BEND4: variants seen among roughly 807,000 people sequenced by gnomAD.
BEND4 encodes the protein BEN domain-containing protein 4.
BEND4 carries 27 observed loss-of-function variants against 54.7 expected under a neutral mutation model. That is an observed-to-expected ratio of 0.49 (90% CI 0.36 to 0.68). The LOEUF (loss-of-function observed/expected upper bound fraction) is 0.68, where lower values mean the gene tolerates loss of function less well. BEND4 is among the 30% of genes least tolerant of loss of function. BEND4 has a pLI of 0.00. For missense variants in BEND4, 702 were observed against 697.2 expected (o/e 1.01, Z -0.08); for synonymous variants, 327 against 299.5 (o/e 1.09, Z -0.95).
chr4:42,125,539 A>G, intron 4 of BEND4, 44 bp downstream of exon 4: 3 of 1,434,170 alleles, frequency 2.1e-6, no homozygotes, highest in Non-Finnish European at 3.0e-6. Flanking sequence ...AAGATACTTA[A>G]GAGAATTCCA....
intron 3 of BEND4, 130 bp from the exon 4 acceptor site, chr4:42,125,804 T>G: frequency 1.7e-6 from 1 of 589,518 alleles, no homozygotes; most frequent in Non-Finnish European, 2.9e-6. Context: ...AGTGTGGTGA[T>G]CTCAGCTCAC....
chr4:42,121,902 G>A (rs531952313), intron 4 of BEND4, among the ~76,000 whole-genome samples: 1 of 152,296 alleles, frequency 6.6e-6, no homozygotes, highest in South Asian at 2.1e-4. Context: ...ATGAGGAACA[G>A]AGGCTACGGC....
At position 42,152,072 on chromosome 4, in the gene BEND4, G is replaced by A; in HGVS notation, c.72C>T (p.Tyr24=). The part of the protein sequence containing the change: ...VPKIYKQRSP[Y]SVLKTFPSKR... Reference sequence around the variant, plus strand: ...TGCTGGGGAACGTCTTGAGGACGCTGTAGGGGCTGCGCTGCTTGTAGATTT... The same window carrying A: ...TGCTGGGGAACGTCTTGAGGACGCTATAGGGGCTGCGCTGCTTGTAGATTT... Residue 24 remains tyrosine (Y), a synonymous_variant, in exon 2 of 6, where the codon TAC becomes TAT. Coordinates refer to ENST00000502486, the MANE Select transcript of BEND4 (RefSeq NM_207406.4). 1 of 1,253,146 alleles carries A rather than the reference G, an allele frequency of 8.0e-7. No homozygotes were observed. Among genetic ancestry groups the A allele is most frequent in the Non-Finnish European group, 1.0e-6 (1 of 991,388 alleles). 77.6% of individuals were successfully genotyped at this position (1,253,146 alleles called of 1,614,324 possible). A position where few individuals can be genotyped will look rare whatever the true frequency, so the allele number is the denominator to read the frequency against.
intron 4 of BEND4, 62 bp from the exon 5 acceptor site, chr4:42,120,356 CTCCAT>C: frequency 6.4e-7 from 1 of 1,557,790 alleles, no homozygotes; most frequent in East Asian, 2.3e-5. Flanking sequence ...CAGAAGTGAT[CTCCAT>C]TTCAAAGGCA....
rs576590211 is a variant in BEND4 at position 42,129,125 on chromosome 4, C to G, written c.1055-3451G>C. On this transcript the variant is annotated intron_variant, in intron 3 of 5. Coordinates refer to ENST00000502486, the MANE Select transcript of BEND4 (RefSeq NM_207406.4). ...ATGTGCAAAAATCAAACAAGCATTC[C>G]TATACACCAATAACAGACAGCCAAA... Among the ~76,000 whole-genome samples the G allele has an allele frequency of 1.7e-4, 26 of 152,154 alleles. 1 individual carries two copies. The South Asian group carries it at 5.0e-3, about 29-fold the overall frequency.
chr4:42,126,246 T>C (rs888149182), intron 3 of BEND4, among the ~76,000 whole-genome samples: 4 of 152,216 alleles, frequency 2.6e-5, no homozygotes, highest in Non-Finnish European at 5.9e-5. Context: ...TCAACAATCA[T>C]GATCACAAAG....
chr4:42,136,797 A>G lies in BEND4; in HGVS notation c.1054+6631T>C, dbSNP rs577401476. On this transcript the variant is annotated intron_variant, in intron 3 of 5. Coordinates refer to ENST00000502486, the MANE Select transcript of BEND4 (RefSeq NM_207406.4). ...GATGTGCCTTACAGAGAAAACAAGC[A>G]TGTTAGATACGCCTCATTCGGGCAT... 1.4e-4 allele frequency among the ~76,000 whole-genome samples: 22 copies of G among 152,366 alleles called. 1 individual carries two copies. Among genetic ancestry groups the G allele is most frequent in the African/African-American group, 5.0e-4 (21 of 41,588 alleles).
chr4:42,114,294 T>C lies in BEND4; in HGVS notation c.*3224A>G, dbSNP rs546943836. 1 of 152,402 alleles carries C rather than the reference T, an allele frequency of 6.6e-6. No homozygotes were observed. The highest frequency in any genetic ancestry group is 1.5e-5 in the Non-Finnish European group (1 of 68,080). The allele number at this position is 152,402 out of a possible 1,614,324, so 9.4% of individuals were successfully genotyped here. On this transcript the variant is annotated 3_prime_UTR_variant, in exon 6 of 6. Coordinates refer to ENST00000502486, the MANE Select transcript of BEND4 (RefSeq NM_207406.4). ...TTCAACTCACTGCGAAAAGCCGGCATGATCTTTGTAACAAGATTTTAATTT... is the reference window on the plus strand; with the variant it reads ...TTCAACTCACTGCGAAAAGCCGGCACGATCTTTGTAACAAGATTTTAATTT...
At chr4:42,125,275 G>A (rs1457066540) in intron 4 of BEND4, among the ~76,000 whole-genome samples, 1 of 152,224 alleles carries the variant, frequency 6.6e-6, no homozygotes, top group Non-Finnish European at 1.5e-5. Flanking sequence ...GGCTCTGTCT[G>A]AGGGAATGAC....
In BEND4 at chr4:42,114,917, C is replaced by A. The variant is rs183102034; in HGVS notation, c.*2601G>T. On this transcript the variant is annotated 3_prime_UTR_variant, in exon 6 of 6. Coordinates refer to ENST00000502486, the MANE Select transcript of BEND4 (RefSeq NM_207406.4). ...TGATGCTGTATCACGGCCTCAGTGGCGGCTAGTGCCTGCGTCAGACGCTAG... is the reference window on the plus strand; with the variant it reads ...TGATGCTGTATCACGGCCTCAGTGGAGGCTAGTGCCTGCGTCAGACGCTAG... 1 of 152,346 alleles carries A rather than the reference C, an allele frequency of 6.6e-6. No homozygotes were observed. Among genetic ancestry groups the A allele is most frequent in the Non-Finnish European group, 1.5e-5 (1 of 68,164 alleles). 9.4% of individuals were successfully genotyped at this position (152,346 alleles called of 1,614,324 possible). A position where few individuals can be genotyped will look rare whatever the true frequency, so the allele number is the denominator to read the frequency against.
chr4:42,135,823 T>A (rs748757669), intron 3 of BEND4, among the ~76,000 whole-genome samples: 1 of 152,136 alleles, frequency 6.6e-6, no homozygotes, highest in African/African-American at 2.4e-5. Flanking sequence ...TAGAGTATTA[T>A]TAACCTCACT....
rs1719681413 is a variant in BEND4 at position 42,113,816 on chromosome 4, C to T, written c.*3702G>A. The T allele has an allele frequency of 6.6e-6, 1 of 152,198 alleles. No individual in the cohort carries two copies. The highest frequency in any genetic ancestry group is 2.4e-5 in the African/African-American group (1 of 41,442). 9.4% of individuals were successfully genotyped at this position (152,198 alleles called of 1,614,324 possible). On this transcript the variant is annotated 3_prime_UTR_variant, in exon 6 of 6. Transcript: ENST00000502486. ...CACTAACTCTACAGCCGTGAAGTAG[C>T]TACAAATATGTCTCGAATCCCCTAC...
chr4:42,137,719 A>G (rs1042835258), intron 3 of BEND4, among the ~76,000 whole-genome samples: 7 of 152,224 alleles, frequency 4.6e-5, no homozygotes, highest in South Asian at 2.1e-4. Flanking sequence ...TTTGCAAACC[A>G]TGGGGTTAAT....
At chr4:42,145,998 G>C (rs1721069078) in intron 2 of BEND4, among the ~76,000 whole-genome samples, 1 of 152,182 alleles carries the variant, frequency 6.6e-6, no homozygotes, top group South Asian at 2.1e-4. Context: ...ACCCTAGGCT[G>C]GTTGAGAGTC....
rs371641332 is a variant in BEND4 at position 42,113,637 on chromosome 4, T to A, written c.*3881A>T. 6.6e-6 allele frequency: 1 copy of A among 152,128 alleles called. No homozygotes were observed. The highest frequency in any genetic ancestry group is 2.4e-5 in the African/African-American group (1 of 41,402). The allele number at this position is 152,128 out of a possible 1,614,324, so 9.4% of individuals were successfully genotyped here. The stretch of plus-strand genomic sequence containing the variant: ...GGACTTAAAAAAAATCCTATCAACA[T>A]CAGTTACCACTAGTTGATGGGACAT... On this transcript the variant is annotated 3_prime_UTR_variant, in exon 6 of 6. Coordinates refer to ENST00000502486, the MANE Select transcript of BEND4 (RefSeq NM_207406.4).
Position 42,129,462 on chromosome 4 carries a change from T to C in BEND4, c.1055-3788A>G, listed in dbSNP as rs768883596. Among the ~76,000 whole-genome samples the C allele has an allele frequency of 3.3e-5, 5 of 152,234 alleles. No homozygotes were observed. In the Middle Eastern group the frequency reaches 0.01, roughly 311 times the overall value. On this transcript the variant is annotated intron_variant, in intron 3 of 5. Coordinates refer to ENST00000502486, the MANE Select transcript of BEND4 (RefSeq NM_207406.4). ...TATGGAACAAAAAAAAGAGCCCATA[T>C]AGCCATGACAATCTAAGCAAAAAGA...
chr4:42,146,466 T>C (rs1388665911), intron 2 of BEND4, among the ~76,000 whole-genome samples: 1 of 152,260 alleles, frequency 6.6e-6, no homozygotes, highest in Non-Finnish European at 1.5e-5. Context: ...GCACTATTTG[T>C]ACTCTTATCC....
At position 42,112,284 on chromosome 4, in the gene BEND4, A is replaced by C. The variant is rs1014375653; in HGVS notation, c.*5234T>G. 1.3e-5 allele frequency: 2 copies of C among 152,232 alleles called. No homozygotes were observed. Among genetic ancestry groups the C allele is most frequent in the African/African-American group, 4.8e-5 (2 of 41,458 alleles). The allele number at this position is 152,232 out of a possible 1,614,324, so 9.4% of individuals were successfully genotyped here. A position where few individuals can be genotyped will look rare whatever the true frequency, so the allele number is the denominator to read the frequency against. ...GCCTCATAGGGTAGCTGTGAGGATT[A>C]AAATGAGAATGCATTAAAGTACTTA... On this transcript the variant is annotated 3_prime_UTR_variant, in exon 6 of 6. Coordinates refer to ENST00000502486, the MANE Select transcript of BEND4 (RefSeq NM_207406.4).
chr4:42,123,675 A>G (rs1321092732), intron 4 of BEND4, among the ~76,000 whole-genome samples: 2 of 136,284 alleles, frequency 1.5e-5, no homozygotes, highest in Non-Finnish European at 3.1e-5. Flanking sequence ...GCATATATTT[A>G]CTTTGGATCT....
Sources: allele counts gnomAD v4.1 joint callset (sites outside exome capture counted in the v4.1 genomes callset), GRCh38; gene constraint gnomAD v4.1.1; transcripts MANE v1.5; gene names NCBI Gene and HGNC (gene_info 2026-07-23, HGNC 2026-07-21).